The following IDH3A variants were observed in gnomAD, a reference collection of about 807,000 sequenced individuals.
IDH3A encodes isocitrate dehydrogenase [NAD] subunit alpha, mitochondrial.
A neutral mutation model predicts 43.3 loss-of-function variants in IDH3A; 23 were observed. The observed-to-expected ratio is 0.53, with a 90% confidence interval of 0.38 to 0.75. IDH3A has a LOEUF of 0.75. Among genes scored for constraint, IDH3A ranks in the 30% least tolerant of loss-of-function variants. IDH3A has a pLI of 0.00. For synonymous variants in IDH3A, 154 were observed against 163.5 expected (o/e 0.94, Z 0.44); for missense variants, 329 against 474.4 (o/e 0.69, Z 2.85).
chr15:78,169,012 T>G lies in IDH3A; in HGVS notation c.*7T>G. The G allele has an allele frequency of 2.5e-6, 4 of 1,569,070 alleles. No individual in the cohort carries two copies. Among genetic ancestry groups the G allele is most frequent in the Non-Finnish European group, 3.5e-6 (4 of 1,141,534 alleles). The stretch of plus-strand genomic sequence containing the variant: ...AGTAAAAGATTTAGATTAACACTTC[T>G]ACAACTGGCATTTACATCAGTCACT... On this transcript the variant is annotated 3_prime_UTR_variant, in exon 11 of 11. Transcript: ENST00000299518.
intron 3 of IDH3A, among the ~76,000 whole-genome samples, chr15:78,157,954 C>T (rs769854620): frequency 7.2e-5 from 11 of 152,024 alleles, no homozygotes; most frequent in African/African-American, 1.4e-4. Context: ...TGAGCCACCG[C>T]ACCTGGCTGG....
chr15:78,161,708 T>A lies in IDH3A; in HGVS notation c.417T>A (p.Asp139Glu), dbSNP rs61752770. 10,143 of 1,614,136 alleles carry A rather than the reference T, an allele frequency of 6.3e-3. 39 individuals carry two copies. Among genetic ancestry groups the A allele is most frequent in the Non-Finnish European group, 7.7e-3 (9,126 of 1,179,966 alleles). ...SIEGYKTPYT[D>E]VNIVTIRENT... ...AAGGCTATAAAACCCCTTACACCGA[T>A]GTAAATATTGTGACCATTCGAGAGA... Residue 139 changes from aspartate to glutamate, a missense_variant, in exon 5 of 11, where the codon GAT (aspartate) becomes GAA (glutamate). Asp to Glu is a conservative substitution (Grantham distance 45). This residue lies in a region of IDH3A where 212 missense variants were observed against 345.5 expected (regional missense o/e 0.61). Transcript: ENST00000299518. The surrounding 1 kb of genome is among the most constrained non-coding windows in gnomAD (Gnocchi z 4.8).
rs2074684153 is a variant in IDH3A at position 78,161,844 on chromosome 15, G to T, written c.477+76G>T. On this transcript the variant is annotated intron_variant, in intron 5 of 10. Coordinates refer to ENST00000299518, the MANE Select transcript of IDH3A (RefSeq NM_005530.3). The surrounding 1 kb of genome is among the most constrained non-coding windows in gnomAD (Gnocchi z 4.8). ...CATCTGGGACCCCAGAGACAGATCT[G>T]CTTTATCTCTGTGAGGAGTTGTGGG... 2.3e-6 allele frequency: 3 copies of T among 1,277,612 alleles called. No homozygotes were observed. The highest frequency in any genetic ancestry group is 1.3e-5 in the South Asian group (1 of 78,154). 79.1% of individuals were successfully genotyped at this position (1,277,612 alleles called of 1,614,324 possible). A position where few individuals can be genotyped will look rare whatever the true frequency, so the allele number is the denominator to read the frequency against.
chr15:78,157,024 A>G (rs2074628648), intron 2 of IDH3A: 1 of 1,292,424 alleles, frequency 7.7e-7, no homozygotes, highest in African/African-American at 1.5e-5. Flanking sequence ...CCTGAGTACC[A>G]AAACAGACCT....
chr15:78,156,540 G>T (rs1393527117), intron 2 of IDH3A, among the ~76,000 whole-genome samples: 1 of 152,128 alleles, frequency 6.6e-6, no homozygotes, highest in East Asian at 1.9e-4. Context: ...TTCTTCAGTT[G>T]TACAGAAACT....
Position 78,171,526 on chromosome 15 carries a change from G to C in IDH3A, c.*2521G>C. ...TGTGAGCCGTTTCAGTTTCATCGTG[G>C]GACCTAAAAGGGAAATGAGAAGAAA... On this transcript the variant is annotated 3_prime_UTR_variant, in exon 11 of 11. Transcript: ENST00000299518. 1 of 1,613,836 alleles carries C rather than the reference G, an allele frequency of 6.2e-7. No individual in the cohort carries two copies. Among genetic ancestry groups the C allele is most frequent in the Non-Finnish European group, 8.5e-7 (1 of 1,179,762 alleles).
chr15:78,168,712 A>G (rs2074780720), intron 10 of IDH3A: 1 of 389,828 alleles, frequency 2.6e-6, no homozygotes, highest in Non-Finnish European at 4.6e-6. Flanking sequence ...TTCTTTGCAG[A>G]GTGCTGTTGT....
chr15:78,149,626 C>T (rs1204090833), intron 1 of IDH3A, among the ~76,000 whole-genome samples, 196 bp downstream of exon 1: 3 of 152,138 alleles, frequency 2.0e-5, no homozygotes, highest in African/African-American at 7.2e-5. Flanking sequence ...TGGGCCGCCC[C>T]GGGCCGGGTC....
rs2074788885 is a variant in IDH3A at position 78,169,173 on chromosome 15, CT to C, written c.*169del. 2.4e-6 allele frequency: 1 copy of C among 425,318 alleles called. No individual in the cohort carries two copies. The highest frequency in any genetic ancestry group is 2.0e-5 in the African/African-American group (1 of 49,578). 26.3% of individuals were successfully genotyped at this position (425,318 alleles called of 1,614,324 possible). ...GTGCAAAAGATGCAGGTGGATGTCC[CT>C]AGGTCTGTTTTCAAAGAACTTTTTC... is the stretch of plus-strand genomic sequence containing the variant. On this transcript the variant is annotated 3_prime_UTR_variant, in exon 11 of 11. Transcript: ENST00000299518.
At chr15:78,152,423 C>T (rs981935020) in intron 1 of IDH3A, among the ~76,000 whole-genome samples, 14 of 130,786 alleles carry the variant, frequency 1.1e-4, no homozygotes, top group South Asian at 7.9e-4. Flanking sequence ...TGCAATGGCG[C>T]GATCTTGGCT....
chr15:78,165,498 T>TG lies in IDH3A; in HGVS notation c.864+423dup, dbSNP rs979992737. 6.6e-5 allele frequency among the ~76,000 whole-genome samples: 10 copies of TG among 152,268 alleles called. No homozygotes were observed. The East Asian group carries it at 1.9e-3, about 29-fold the overall frequency. On this transcript the variant is annotated intron_variant, in intron 9 of 10. Coordinates refer to ENST00000299518, the MANE Select transcript of IDH3A (RefSeq NM_005530.3). ...TGAGCCATTGCACCCAGCCTATGTT[T>TG]GTTTTTATATACACCCATATATAAA...
chr15:78,167,727 T>G (rs1023960329), intron 10 of IDH3A: 3 of 152,228 alleles, frequency 2.0e-5, no homozygotes, highest in African/African-American at 7.2e-5. Context: ...ATTTGACTAC[T>G]CTAGGTACCT....
intron 1 of IDH3A, among the ~76,000 whole-genome samples, chr15:78,152,732 A>G (rs1310546745): frequency 6.6e-6 from 1 of 152,136 alleles, no homozygotes; most frequent in Non-Finnish European, 1.5e-5. Context: ...TATTTTACTT[A>G]AAGTTCTGGG....
intron 6 of IDH3A, 97 bp from the exon 7 acceptor site, chr15:78,163,409 TG>T: frequency 1.3e-6 from 1 of 793,180 alleles, no homozygotes; most frequent in Non-Finnish European, 2.1e-6. Context: ...GCTTGGCTTC[TG>T]GAACTTAAAT....
In IDH3A at chr15:78,171,515, G is replaced by A. The variant is rs753588373; in HGVS notation, c.*2510G>A. 13 of 1,613,996 alleles carry A rather than the reference G, an allele frequency of 8.1e-6. No individual in the cohort carries two copies. The South Asian group carries it at 1.3e-4, about 16-fold the overall frequency. On this transcript the variant is annotated 3_prime_UTR_variant, in exon 11 of 11. Transcript: ENST00000299518. ...TTCTCCAAAACTGTGAGCCGTTTCA[G>A]TTTCATCGTGGGACCTAAAAGGGAA...
intron 2 of IDH3A, 106 bp downstream of exon 2, chr15:78,155,381 G>A: frequency 1.4e-6 from 1 of 723,292 alleles, no homozygotes; most frequent in Non-Finnish European, 2.3e-6. Flanking sequence ...TTAGAATTTG[G>A]GAAAATTGGC....
At chr15:78,163,910 C>T in intron 8 of IDH3A, 130 bp downstream of exon 8, 1 of 651,654 alleles carries the variant, frequency 1.5e-6, no homozygotes, top group Non-Finnish European at 2.7e-6. Flanking sequence ...GAATTGAATT[C>T]TAACAGTTCA....
intron 10 of IDH3A, 152 bp from the exon 11 acceptor site, chr15:78,168,770 G>T (rs1157514862): frequency 3.2e-6 from 2 of 624,988 alleles, no homozygotes. Context: ...GGTAGATGGT[G>T]GTGGAGTGGT....
intron 10 of IDH3A, among the ~76,000 whole-genome samples, chr15:78,166,654 CAG>C (rs1257954161): frequency 6.6e-6 from 1 of 152,022 alleles, no homozygotes; most frequent in African/African-American, 2.4e-5. Context: ...TTTTTTGAGA[CAG>C]AGTCTTGCTC....
Sources: allele counts gnomAD v4.1 joint callset (sites outside exome capture counted in the v4.1 genomes callset), GRCh38; gene constraint gnomAD v4.1.1; regional missense constraint gnomAD v4.1.1; non-coding constraint Gnocchi (gnomAD v3.1); transcripts MANE v1.5; gene names NCBI Gene and HGNC (gene_info 2026-07-23, HGNC 2026-07-21).